SYCE1L: variants seen among roughly 807,000 people sequenced by gnomAD.
SYCE1L encodes synaptonemal complex central element protein 1-like.
A neutral mutation model predicts 39.6 loss-of-function variants in SYCE1L; 51 were observed. The observed-to-expected ratio is 1.29, with a 90% confidence interval of 1.03 to 1.63. SYCE1L has a LOEUF of 1.63. Among genes scored for constraint, SYCE1L ranks in the 40% most tolerant of loss-of-function variants. SYCE1L has a pLI of 0.00. For missense variants in SYCE1L, 426 were observed against 304.9 expected, an observed-to-expected ratio of 1.40 and a Z score of -2.96; for synonymous variants, 147 against 122.4, an observed-to-expected ratio of 1.20 and a Z score of -1.33.
intron 8 of SYCE1L, 41 bp downstream of exon 8, chr16:77,212,240 G>A (rs1376806677): frequency 6.5e-7 from 1 of 1,540,260 alleles, no homozygotes; most frequent in Admixed American, 2.0e-5. Context: ...AGGGGGATGT[G>A]CCCGGGCCTC....
At chr16:77,204,030 C>T (rs943929248) in intron 1 of SYCE1L, among the ~76,000 whole-genome samples, 2 of 151,142 alleles carry the variant, frequency 1.3e-5, no homozygotes, top group African/African-American at 4.9e-5. Context: ...ACTTATTCAT[C>T]AGAAAGTTTG....
chr16:77,213,082 C>G lies in SYCE1L; in HGVS notation c.*151C>G, dbSNP rs527875160. ...CTGGGATCTCGAGGCGGGGCCTCTG[C>G]CGGACCCCTCCCACCAGTCGAGCCC... On this transcript the variant is annotated 3_prime_UTR_variant, in exon 11 of 11. Coordinates refer to ENST00000378644, the MANE Select transcript of SYCE1L (RefSeq NM_001129979.3). The G allele has an allele frequency of 7.7e-6, 6 of 781,604 alleles. No individual in the cohort carries two copies. The African/African-American group carries it at 1.1e-4, about 14-fold the overall frequency. The allele number at this position is 781,604 out of a possible 1,614,324, so 48.4% of individuals were successfully genotyped here. A position where few individuals can be genotyped will look rare whatever the true frequency, so the allele number is the denominator to read the frequency against.
Position 77,207,294 on chromosome 16 carries a change from G to A in SYCE1L, c.121+794G>A, listed in dbSNP as rs1597384075. On this transcript the variant is annotated intron_variant, in intron 2 of 10. Transcript: ENST00000378644. ...TGAGTTTATTAACCCCAGAGTGTCTGAGGGGTCAGCAGTGAGATCTGGCAA... is the reference window on the plus strand; with the variant it reads ...TGAGTTTATTAACCCCAGAGTGTCTAAGGGGTCAGCAGTGAGATCTGGCAA... Among the ~76,000 whole-genome samples, 3 of 152,230 alleles carry A rather than the reference G, an allele frequency of 2.0e-5. 1 individual carries two copies. Among genetic ancestry groups the A allele is most frequent in the Admixed American group, 6.5e-5 (1 of 15,278 alleles).
chr16:77,212,928 C>T lies in SYCE1L; in HGVS notation c.726C>T (p.Leu242=), dbSNP rs2054836703. ...PEPPVAAPDA[L] is the part of the protein sequence containing the mutation. ...CGCCGGTGGCTGCCCCTGACGCCCT[C>T]TAGGCCAGCAGGACCCGCCCGTTCC... Residue 242 remains leucine (L), a synonymous_variant, in exon 11 of 11, where the codon CTC becomes CTT. Coordinates refer to ENST00000378644, the MANE Select transcript of SYCE1L (RefSeq NM_001129979.3). 1 of 1,522,478 alleles carries T rather than the reference C, an allele frequency of 6.6e-7. No homozygotes were observed. Among genetic ancestry groups the T allele is most frequent in the African/African-American group, 1.4e-5 (1 of 71,904 alleles). 94.3% of individuals were successfully genotyped at this position (1,522,478 alleles called of 1,614,324 possible).
At chr16:77,209,221 G>A in intron 5 of SYCE1L, 77 bp downstream of exon 5, 1 of 1,495,816 alleles carries the variant, frequency 6.7e-7, no homozygotes, top group Admixed American at 2.0e-5. Flanking sequence ...AGCAGCCAGA[G>A]GAATCCCACT....
Position 77,213,073 on chromosome 16 carries a change from G to C in SYCE1L, c.*142G>C. ...CGGGGCGTGCTGGGATCTCGAGGCGGGGCCTCTGCCGGACCCCTCCCACCA... is the reference window on the plus strand; with the variant it reads ...CGGGGCGTGCTGGGATCTCGAGGCGCGGCCTCTGCCGGACCCCTCCCACCA... On this transcript the variant is annotated 3_prime_UTR_variant, in exon 11 of 11. Coordinates refer to ENST00000378644, the MANE Select transcript of SYCE1L (RefSeq NM_001129979.3). 1.1e-6 allele frequency: 1 copy of C among 903,536 alleles called. No individual in the cohort carries two copies. Among genetic ancestry groups the C allele is most frequent in the Middle Eastern group, 3.1e-4 (1 of 3,208 alleles). 56.0% of individuals were successfully genotyped at this position (903,536 alleles called of 1,614,324 possible). A position where few individuals can be genotyped will look rare whatever the true frequency, so the allele number is the denominator to read the frequency against.
intron 6 of SYCE1L, 110 bp from the exon 7 acceptor site, chr16:77,211,103 G>A: frequency 8.4e-7 from 1 of 1,195,432 alleles, no homozygotes; most frequent in Non-Finnish European, 1.2e-6. Flanking sequence ...CCATGAAGGG[G>A]CTCCCAGCAG....
chr16:77,206,001 T>C (rs1465518320), intron 1 of SYCE1L, among the ~76,000 whole-genome samples: 1 of 152,200 alleles, frequency 6.6e-6, no homozygotes, highest in Non-Finnish European at 1.5e-5. Context: ...TTGATGTTAG[T>C]AGCCATTAGT....
At chr16:77,208,018 A>G (rs957629719) in intron 2 of SYCE1L, among the ~76,000 whole-genome samples, 192 bp from the exon 3 acceptor site, 3 of 152,134 alleles carry the variant, frequency 2.0e-5, no homozygotes, top group Non-Finnish European at 4.4e-5. Context: ...TGATTTATTT[A>G]TCTTTGCTCA....
At chr16:77,211,949 G>T (rs2054825512) in intron 7 of SYCE1L, among the ~76,000 whole-genome samples, 181 bp from the exon 8 acceptor site, 1 of 150,966 alleles carries the variant, frequency 6.6e-6, no homozygotes, top group Non-Finnish European at 1.5e-5. Context: ...CATGGAGAGC[G>T]TTTAGGGGGA....
intron 10 of SYCE1L, 47 bp from the exon 11 acceptor site, chr16:77,212,810 C>G (rs576192740): frequency 7.0e-7 from 1 of 1,436,974 alleles, no homozygotes; most frequent in Non-Finnish European, 9.1e-7. Context: ...CGGGCGGACG[C>G]GAGGAGCGTA....
Position 77,211,295 on chromosome 16 carries a change from C to T in SYCE1L, c.423+19C>T. The T allele has an allele frequency of 6.4e-7, 1 of 1,551,892 alleles. No individual in the cohort carries two copies. The highest frequency in any genetic ancestry group is 8.7e-7 in the Non-Finnish European group (1 of 1,147,004). On this transcript the variant is annotated intron_variant, in intron 7 of 10. Transcript: ENST00000378644. ...ATTCCACGTGAGCCATTATCATTGC[C>T]TGCAACCAAAGCCACTCCTCCCTGG...
At chr16:77,204,148 C>T (rs1407222075) in intron 1 of SYCE1L, among the ~76,000 whole-genome samples, 2 of 152,090 alleles carry the variant, frequency 1.3e-5, no homozygotes, top group African/African-American at 4.8e-5. Flanking sequence ...AGGTGAAAGG[C>T]AATTTCCTAT....
intron 8 of SYCE1L, 33 bp downstream of exon 8, chr16:77,212,232 G>A: frequency 2.6e-6 from 4 of 1,542,976 alleles, no homozygotes; most frequent in Non-Finnish European, 3.5e-6. Context: ...GCGGGGGGAG[G>A]GGGATGTGCC....
chr16:77,206,990 C>A (rs1451016538), intron 2 of SYCE1L, among the ~76,000 whole-genome samples: 1 of 152,148 alleles, frequency 6.6e-6, no homozygotes, highest in East Asian at 1.9e-4. Flanking sequence ...CCATTCTCAT[C>A]TTAAAATACT....
intron 1 of SYCE1L, chr16:77,200,746 C>CAAAAAAAAAAA (rs11344903): frequency 1.1e-4 from 9 of 84,800 alleles, no homozygotes; most frequent in African/African-American, 2.3e-4. Context: ...ACAGAGTGAG[C>CAAAAAAAAAAA]AAAAAAAAAA....
intron 2 of SYCE1L, 28 bp from the exon 3 acceptor site, chr16:77,208,182 C>T: frequency 6.5e-7 from 1 of 1,548,304 alleles, no homozygotes; most frequent in Non-Finnish European, 8.7e-7. Context: ...TCTTCTCTGG[C>T]TCACTCTTTC....
rs541429240 is a variant in SYCE1L, at chr16:77,211,419, G to A, written c.423+143G>A. The A allele has an allele frequency of 5.7e-5, 56 of 976,862 alleles. 1 individual carries two copies. The highest frequency in any genetic ancestry group is 5.3e-4 in the East Asian group (20 of 37,928). The allele number at this position is 976,862 out of a possible 1,614,324, so 60.5% of individuals were successfully genotyped here. A position where few individuals can be genotyped will look rare whatever the true frequency, so the allele number is the denominator to read the frequency against. The stretch of plus-strand genomic sequence containing the variant: ...TTGCTTCCGCTTGCCCACCTATTCA[G>A]TCCCTCAGCTTTTATCTAAAATCAA... On this transcript the variant is annotated intron_variant, in intron 7 of 10. Coordinates refer to ENST00000378644, the MANE Select transcript of SYCE1L (RefSeq NM_001129979.3).
intron 1 of SYCE1L, among the ~76,000 whole-genome samples, chr16:77,205,796 G>A (rs953625722): frequency 3.3e-5 from 5 of 152,180 alleles, no homozygotes; most frequent in Non-Finnish European, 4.4e-5. Context: ...TTCATCAGCC[G>A]TGTTGTGTTC....
Sources: gnomAD v4.1 joint callset for allele counts (sites outside exome capture counted in the v4.1 genomes callset) on GRCh38, gnomAD v4.1.1 for gene constraint, MANE v1.5 for transcripts, NCBI Gene and HGNC (gene_info 2026-07-23, HGNC 2026-07-21) for gene names.